PHLDB2: variants seen among roughly 807,000 people sequenced by gnomAD.
PHLDB2 encodes the protein pleckstrin homology like domain family B member 2, also known as pleckstrin homology-like domain family B member 2.
A neutral mutation model predicts 123.6 loss-of-function variants in PHLDB2; 71 were observed. The observed-to-expected ratio is 0.57, with a 90% CI of 0.47 to 0.70. The LOEUF (loss-of-function observed/expected upper bound fraction) is 0.70. Ranked by LOEUF, PHLDB2 falls within the 30% of genes least tolerant of loss-of-function variation. The pLI is 0.00. For synonymous variants in PHLDB2, 547 were observed against 541.6 expected (o/e 1.01, Z -0.14); for missense variants, 1,446 against 1,519.5 (o/e 0.95, Z 0.80).
intron 1 of PHLDB2, chr3:111,778,274 G>A (rs1463535391): frequency 1.3e-5 from 2 of 151,998 alleles, no homozygotes; most frequent in Non-Finnish European, 2.9e-5. Flanking sequence ...ATAGGGAAAT[G>A]TGGACACAAG....
chr3:111,890,680 A>G (rs1390377713), intron 2 of PHLDB2, among the ~76,000 whole-genome samples: 1 of 152,032 alleles, frequency 6.6e-6, no homozygotes, highest in East Asian at 1.9e-4. Flanking sequence ...AATGTGTTCA[A>G]TCTTTATTTG....
At chr3:111,796,088 G>A (rs1024162800) in intron 1 of PHLDB2, among the ~76,000 whole-genome samples, 1 of 152,018 alleles carries the variant, frequency 6.6e-6, no homozygotes, top group Non-Finnish European at 1.5e-5. Flanking sequence ...TAGTAGAAAC[G>A]AGGTTTCACC....
intron 1 of PHLDB2, among the ~76,000 whole-genome samples, chr3:111,788,433 C>T (rs141002345): frequency 2.3e-3 from 345 of 152,176 alleles, no homozygotes; most frequent in Admixed American, 3.7e-3. Flanking sequence ...TAGAAAAGTC[C>T]AAGAGGAGAA....
rs73852798 is a variant in PHLDB2, at chr3:111,975,303, T to C, written c.*740T>C. The C allele has an allele frequency of 0.2, 30,255 of 151,974 alleles. 3,076 individuals carry two copies. Among genetic ancestry groups the C allele is most frequent in the Middle Eastern group, 0.28 (83 of 294 alleles). The allele number at this position is 151,974 out of a possible 1,614,324, so 9.4% of individuals were successfully genotyped here. On this transcript the variant is annotated 3_prime_UTR_variant, in exon 18 of 18. Transcript: ENST00000431670. The stretch of plus-strand genomic sequence containing the variant: ...AAAGAAGAAAGAGCAAAAAGCTGTG[T>C]GTTTTAGAAAAAAAAGCCAGGTTAC...
At position 111,967,975 on chromosome 3, in the gene PHLDB2, CAAAAAAAAAAAAAA is replaced by C. The variant is rs58918022; in HGVS notation, c.3315+162_3315+175del. 3.2e-5 allele frequency: 2 copies of C among 63,448 alleles called. 1 individual carries two copies. Among genetic ancestry groups the C allele is most frequent in the Non-Finnish European group, 6.7e-5 (2 of 29,986 alleles). The allele number at this position is 63,448 out of a possible 1,614,324, so 3.9% of individuals were successfully genotyped here. A position where few individuals can be genotyped will look rare whatever the true frequency, so the allele number is the denominator to read the frequency against. Reference sequence around the variant, plus strand: ...TAAGAGAAGAGTGTGCATTCCTGTGCAAAAAAAAAAAAAAAAAAAAAAAATGTGAGTTCATTTCA... The same window carrying C: ...TAAGAGAAGAGTGTGCATTCCTGTGCAAAAAAAAAATGTGAGTTCATTTCA... On this transcript the variant is annotated intron_variant, in intron 15 of 17. Coordinates refer to ENST00000431670, the MANE Select transcript of PHLDB2 (RefSeq NM_001134438.2).
chr3:111,899,335 CAT>C (rs749975563), intron 2 of PHLDB2, among the ~76,000 whole-genome samples: 8 of 152,280 alleles, frequency 5.3e-5, no homozygotes, highest in Admixed American at 1.3e-4. Context: ...CATAGGTAAA[CAT>C]ATGCCATGAT....
chr3:111,926,152 T>G (rs2068802876), intron 5 of PHLDB2, among the ~76,000 whole-genome samples: 1 of 152,262 alleles, frequency 6.6e-6, no homozygotes, highest in Admixed American at 6.5e-5. Context: ...AACTGAAGCT[T>G]AAATCATTCT....
rs1046252965 is a variant in PHLDB2 at position 111,859,450 on chromosome 3, G to C, written c.-141G>C. ...GTTACAAAGGGGGTCAAGAGTGCCG[G>C]ACCCAGCCGCGCGGAGCCCACCATT... On this transcript the variant is annotated 5_prime_UTR_variant, in exon 1 of 18. Transcript: ENST00000431670. 1.0e-6 allele frequency: 1 copy of C among 985,420 alleles called. No individual in the cohort carries two copies. Among genetic ancestry groups the C allele is most frequent in the African/African-American group, 1.7e-5 (1 of 57,258 alleles). 61.0% of individuals were successfully genotyped at this position (985,420 alleles called of 1,614,324 possible). A position where few individuals can be genotyped will look rare whatever the true frequency, so the allele number is the denominator to read the frequency against.
chr3:111,915,242 TA>T (rs1208222338), intron 3 of PHLDB2: 17 of 152,218 alleles, frequency 1.1e-4, no homozygotes, highest in African/African-American at 4.1e-4. Flanking sequence ...GTCATGGTAC[TA>T]AATTCTGGCA....
chr3:111,800,933 T>A (rs1211845580), intron 1 of PHLDB2, among the ~76,000 whole-genome samples: 1 of 152,232 alleles, frequency 6.6e-6, no homozygotes, highest in Non-Finnish European at 1.5e-5. Flanking sequence ...AATCAGCTGG[T>A]ACAAGTATAA....
chr3:111,744,063 G>A (rs12330761), intron 1 of PHLDB2, among the ~76,000 whole-genome samples: 57,122 of 151,992 alleles, frequency 0.38, 13,196 homozygotes, highest in Middle Eastern at 0.55. Context: ...ACAGACGAAA[G>A]GTTACTGTTC....
intron 2 of PHLDB2, among the ~76,000 whole-genome samples, chr3:111,899,864 C>A (rs1169430459): frequency 6.6e-6 from 1 of 152,196 alleles, no homozygotes; most frequent in Non-Finnish European, 1.5e-5. Flanking sequence ...CCTAGGCCTC[C>A]CAAAGTGCTG....
chr3:111,900,177 G>C (rs959896695), intron 2 of PHLDB2, among the ~76,000 whole-genome samples: 5 of 152,168 alleles, frequency 3.3e-5, no homozygotes, highest in Admixed American at 2.6e-4. Context: ...GATCTATTTT[G>C]ACCACTAAAA....
chr3:111,920,729 T>A (rs2068449826), intron 5 of PHLDB2, among the ~76,000 whole-genome samples: 1 of 152,236 alleles, frequency 6.6e-6, no homozygotes, highest in Non-Finnish European at 1.5e-5. Flanking sequence ...CTTTTCTGAT[T>A]CCATTGTGTT....
chr3:111,920,345 GAGA>G lies in PHLDB2; in HGVS notation c.1930_1932del (p.Lys644del), dbSNP rs759551425. Reference sequence around the variant, plus strand: ...ATCTGAAACAACTGAACTTATGAAGGAGAAGGAGATTTTGGATCATCTAAACCG... The same window carrying G: ...ATCTGAAACAACTGAACTTATGAAGGAGGAGATTTTGGATCATCTAAACCG... On this transcript the variant is annotated inframe_deletion, in exon 5 of 18. Coordinates refer to ENST00000431670, the MANE Select transcript of PHLDB2 (RefSeq NM_001134438.2). 5.6e-6 allele frequency: 9 copies of G among 1,613,910 alleles called. No homozygotes were observed. The highest frequency in any genetic ancestry group is 2.2e-5 in the East Asian group (1 of 44,890).
intron 3 of PHLDB2, chr3:111,914,626 T>G (rs2068065048): frequency 6.6e-6 from 1 of 152,196 alleles, no homozygotes; most frequent in African/African-American, 2.4e-5. Context: ...CACCCATTTT[T>G]TTAATTGTTT....
At chr3:111,765,648 A>G (rs1022736222) in intron 1 of PHLDB2, among the ~76,000 whole-genome samples, 2 of 152,204 alleles carry the variant, frequency 1.3e-5, no homozygotes, top group African/African-American at 4.8e-5. Context: ...TCAAAATAAA[A>G]TGGTGATGTA....
chr3:111,751,295 A>G (rs1461008652), intron 1 of PHLDB2, among the ~76,000 whole-genome samples: 1 of 152,132 alleles, frequency 6.6e-6, no homozygotes, highest in Non-Finnish European at 1.5e-5. Flanking sequence ...AATGCCTTTC[A>G]CATAATGAAC....
At chr3:111,917,230 A>G (rs1238967346) in intron 3 of PHLDB2, 3 of 152,246 alleles carry the variant, frequency 2.0e-5, no homozygotes, top group Admixed American at 2.0e-4. Flanking sequence ...TAAGTTGTCT[A>G]TTATTAAATA....
Sources: gnomAD v4.1 joint callset for allele counts (sites outside exome capture counted in the v4.1 genomes callset) on GRCh38, gnomAD v4.1.1 for gene constraint, MANE v1.5 for transcripts, NCBI Gene and HGNC (gene_info 2026-07-23, HGNC 2026-07-21) for gene names.